The following SNURF variants were observed in gnomAD, a reference collection of about 807,000 sequenced individuals.
SNURF encodes the protein SNURF protein.
Under a neutral mutation model 11.6 loss-of-function variants are expected in SNURF, and 6 were observed. That is an observed-to-expected ratio of 0.52 (90% CI 0.28 to 1.02). The LOEUF (loss-of-function observed/expected upper bound fraction) is 1.02, where lower values mean the gene tolerates loss of function less well. Ranked by LOEUF, SNURF falls within the 50% of genes least tolerant of loss-of-function variation. The pLI is 0.09. For synonymous variants in SNURF, 29 were observed against 31.6 expected, an observed-to-expected ratio of 0.92 and a Z score of 0.27; for missense variants, 84 against 88.4, an observed-to-expected ratio of 0.95 and a Z score of 0.20.
chr15:24,956,250 G>A (rs1197953376), intron 1 of SNURF, among the ~76,000 whole-genome samples: 3 of 151,936 alleles, frequency 2.0e-5, no homozygotes, highest in Non-Finnish European at 4.4e-5. Context: ...GTCTTGGAAG[G>A]CTATGTCGAA....
chr15:24,961,810 G>A (rs957743961), intron 1 of SNURF, among the ~76,000 whole-genome samples: 1 of 152,066 alleles, frequency 6.6e-6, no homozygotes, highest in South Asian at 2.1e-4. Context: ...ATCTACATCT[G>A]CATAAGTGGG....
intron 2 of SNURF, among the ~76,000 whole-genome samples, chr15:24,962,808 T>C (rs1210968084): frequency 6.6e-6 from 1 of 152,214 alleles, no homozygotes; most frequent in Non-Finnish European, 1.5e-5. Context: ...ATTGAAACTT[T>C]GGCATTTTGT....
chr15:24,977,946 T>C (rs777028987), downstream of SNURF: 87 of 1,527,416 alleles, frequency 5.7e-5, 1 homozygote, highest in Admixed American at 1.9e-3. Context: ...GAAGACGAAC[T>C]TGAATCTCTG....
At chr15:24,975,714 A>G (rs960859957) in intron 4 of SNURF, among the ~76,000 whole-genome samples, 10 of 152,200 alleles carry the variant, frequency 6.6e-5, no homozygotes, top group Admixed American at 5.2e-4. Context: ...ACAATCATGG[A>G]TTTATTACTG....
chr15:24,967,894 T>C (rs1258146794), intron 2 of SNURF, 38 bp from the exon 3 acceptor site: 2 of 1,541,076 alleles, frequency 1.3e-6, no homozygotes, highest in African/African-American at 1.4e-5. Flanking sequence ...AAGACAAATG[T>C]ATTTTTATCA....
At chr15:24,977,278 A>G (rs747866193) in intron 6 of SNURF, among the ~76,000 whole-genome samples, 1 of 152,156 alleles carries the variant, frequency 6.6e-6, no homozygotes, top group Non-Finnish European at 1.5e-5. Flanking sequence ...AACAGAATGC[A>G]TGGATATACC....
intron 5 of SNURF, chr15:24,976,514 G>A (rs907805284): frequency 1.2e-6 from 1 of 850,868 alleles, no homozygotes; most frequent in African/African-American, 1.7e-5. Flanking sequence ...AGTTCAACAT[G>A]GATTGTCAAA....
chr15:24,970,650 C>A (rs2554429), downstream of SNURF, among the ~76,000 whole-genome samples: 92 of 152,080 alleles, frequency 6.0e-4, 2 homozygotes, highest in Non-Finnish European at 1.1e-3. Context: ...ACATATCCAA[C>A]TGGATACCTA....
downstream of SNURF, among the ~76,000 whole-genome samples, chr15:24,973,700 G>A (rs142221964): frequency 2.0e-5 from 3 of 152,168 alleles, no homozygotes; most frequent in East Asian, 1.9e-4. Context: ...TCACCCGGCC[G>A]TTAACGTGAT....
At chr15:24,962,068 A>G in intron 1 of SNURF, 46 bp from the exon 2 acceptor site, 1 of 1,418,570 alleles carries the variant, frequency 7.0e-7, no homozygotes, top group Non-Finnish European at 1.0e-6. Context: ...GTTATTTCAT[A>G]GATTGATGCA....
Position 24,957,327 on chromosome 15 carries a change from G to A in SNURF, c.14+2265G>A, listed in dbSNP as rs753926391. On this transcript the variant is annotated intron_variant, in intron 1 of 2. Transcript: ENST00000577949. Reference sequence around the variant, plus strand: ...GAAAGCTGCAAGTTTTGTGCTCAAAGAGAATAAAAGAGAAAAGTGGAGACA... The same window carrying A: ...GAAAGCTGCAAGTTTTGTGCTCAAAAAGAATAAAAGAGAAAAGTGGAGACA... 5.1e-4 allele frequency among the ~76,000 whole-genome samples: 77 copies of A among 152,168 alleles called. 1 individual carries two copies. Among genetic ancestry groups the A allele is most frequent in the Non-Finnish European group, 8.7e-4 (59 of 68,022 alleles).
intron 1 of SNURF, among the ~76,000 whole-genome samples, chr15:24,960,759 A>T (rs1039702890): frequency 5.9e-5 from 9 of 152,296 alleles, no homozygotes; most frequent in Non-Finnish European, 8.8e-5. Flanking sequence ...AGAGTTCCTT[A>T]CATATTCTGG....
At chr15:24,958,560 C>T (rs1186779459) in intron 1 of SNURF, among the ~76,000 whole-genome samples, 8 of 134,020 alleles carry the variant, frequency 6.0e-5, no homozygotes, top group Non-Finnish European at 1.1e-4. Context: ...AGGCTGAACT[C>T]GAACTGCTAG....
downstream of SNURF, chr15:24,978,529 C>T (rs935890420): frequency 2.0e-5 from 24 of 1,188,112 alleles, no homozygotes; most frequent in Non-Finnish European, 3.0e-5. Context: ...TTTTTGTTCC[C>T]TCATTCTGCA....
intron 3 of SNURF, chr15:24,974,547 A>T (rs2076841884): frequency 8.4e-7 from 1 of 1,197,286 alleles, no homozygotes; most frequent in African/African-American, 1.5e-5. Context: ...TGGGTTCTGA[A>T]TGTTAGAAAT....
intron 6 of SNURF, among the ~76,000 whole-genome samples, chr15:24,977,355 A>G (rs1200132662): frequency 6.6e-6 from 1 of 152,156 alleles, no homozygotes; most frequent in Non-Finnish European, 1.5e-5. Context: ...AAATATGGGA[A>G]TAGGCCGGGT....
chr15:24,960,949 C>CT (rs957707015), intron 1 of SNURF, among the ~76,000 whole-genome samples: 3 of 151,934 alleles, frequency 2.0e-5, no homozygotes, highest in Admixed American at 6.6e-5. Context: ...TCCCTACCTT[C>CT]TTTTTTTTCA....
At position 24,968,167 on chromosome 15, in the gene SNURF, T is replaced by C. The variant is rs925195149; in HGVS notation, c.*130T>C. 3.6e-6 allele frequency: 3 copies of C among 823,018 alleles called. No individual in the cohort carries two copies. The African/African-American group carries it at 5.1e-5, about 14-fold the overall frequency. The allele number at this position is 823,018 out of a possible 1,614,324, so 51.0% of individuals were successfully genotyped here. A position where few individuals can be genotyped will look rare whatever the true frequency, so the allele number is the denominator to read the frequency against. On this transcript the variant is annotated 3_prime_UTR_variant, in exon 3 of 3. Coordinates refer to ENST00000577949, the Ensembl canonical transcript of SNURF. ...GGTTCTCTTAATTATCAGTGACACA[T>C]TAATTTTTTTCCTTAGAGCTTCATA...
At chr15:24,971,736 G>A (rs1240641554), downstream of SNURF, among the ~76,000 whole-genome samples, 1 of 152,066 alleles carries the variant, frequency 6.6e-6, no homozygotes, top group Non-Finnish European at 1.5e-5. Flanking sequence ...GCATAAATGG[G>A]TTAAAAACGG....
Sources: gnomAD v4.1 joint callset for allele counts (sites outside exome capture counted in the v4.1 genomes callset) on GRCh38, gnomAD v4.1.1 for gene constraint, MANE v1.5 for transcripts, NCBI Gene and HGNC (gene_info 2026-07-23, HGNC 2026-07-21) for gene names.